Variants in SRGAP3 observed in about 807,000 individuals in gnomAD.
The protein encoded by SRGAP3 is SLIT-ROBO Rho GTPase activating protein 3, also known as SLIT-ROBO Rho GTPase-activating protein 3.
In SRGAP3, 39 loss-of-function variants were observed where a neutral mutation model predicts 121.1. The ratio of observed to expected loss-of-function variants is 0.32; its 90% CI spans 0.25 to 0.42. The LOEUF is 0.42. Ranked by LOEUF, SRGAP3 falls within the 10% of genes least tolerant of loss-of-function variation. The pLI is 1.00. For synonymous variants in SRGAP3, 601 were observed against 570.0 expected (o/e 1.05, Z -0.77); for missense variants, 1,213 against 1,470.6 (o/e 0.82, Z 2.86).
intron 1 of SRGAP3, among the ~76,000 whole-genome samples, chr3:9,248,360 G>A (rs1369094637): frequency 2.6e-5 from 4 of 152,142 alleles, no homozygotes; most frequent in African/African-American, 7.2e-5. Context: ...CAGAGACACC[G>A]ACAAAGAAGT....
intron 3 of SRGAP3, among the ~76,000 whole-genome samples, chr3:9,283,904 G>A (rs1012452231): frequency 2.0e-5 from 3 of 152,182 alleles, no homozygotes; most frequent in African/African-American, 7.2e-5. Flanking sequence ...ACTGGATGGA[G>A]AAGGGCTGTC....
intron 2 of SRGAP3, among the ~76,000 whole-genome samples, chr3:9,328,738 C>G (rs904187650): frequency 6.6e-6 from 1 of 152,154 alleles, no homozygotes; most frequent in African/African-American, 2.4e-5. Flanking sequence ...GACTCCAACC[C>G]CAACCACCAG....
chr3:9,245,377 G>T (rs1953781713), intron 1 of SRGAP3, among the ~76,000 whole-genome samples: 2 of 152,158 alleles, frequency 1.3e-5, no homozygotes, highest in South Asian at 4.1e-4. Context: ...TATTCTATCT[G>T]CCAAGCACCC....
At chr3:9,308,366 T>C (rs1342108082) in intron 3 of SRGAP3, among the ~76,000 whole-genome samples, 1 of 152,308 alleles carries the variant, frequency 6.6e-6, no homozygotes, top group East Asian at 1.9e-4. Flanking sequence ...AAACAGTGTG[T>C]AAAGTTTTCA....
At chr3:9,110,925 G>T (rs916312392) in intron 2 of SRGAP3, among the ~76,000 whole-genome samples, 1 of 152,384 alleles carries the variant, frequency 6.6e-6, no homozygotes, top group Non-Finnish European at 1.5e-5. Context: ...GTGGGCATGG[G>T]TGTTCACCGG....
chr3:9,120,586 T>C (rs572907327), intron 2 of SRGAP3, among the ~76,000 whole-genome samples: 8 of 152,326 alleles, frequency 5.3e-5, no homozygotes, highest in Admixed American at 1.3e-4. Context: ...ACCCTGGGTT[T>C]TCATGCTCGA....
rs750656452 is a variant in SRGAP3, at chr3:8,994,453, C to A, written c.2298G>T (p.Lys766Asn). 3.1e-6 allele frequency: 5 copies of A among 1,614,252 alleles called. No individual in the cohort carries two copies. The highest frequency in any genetic ancestry group is 4.2e-6 in the Non-Finnish European group (5 of 1,180,052). Residue 766 changes from lysine (K) to asparagine (N), a missense_variant, in exon 19 of 22, where the codon AAG becomes AAT. Lys to Asn is a moderately conservative substitution (Grantham distance 94). Transcript: ENST00000383836. Reference protein sequence around the residue: ...MGRSPRELSFKKGASLLLYHR... With the variant: ...MGRSPRELSFNKGASLLLYHR... ...GGTACAGGAGCAGCGAGGCCCCCTT[C>A]TTGAAGGATAGCTCACGCGGGGACC... is the stretch of plus-strand genomic sequence containing the variant.
At chr3:9,353,387 G>A (rs2030302686) in intron 1 of SRGAP3, among the ~76,000 whole-genome samples, 1 of 152,244 alleles carries the variant, frequency 6.6e-6, no homozygotes, top group South Asian at 2.1e-4. Context: ...CCCAGCTCAT[G>A]ACCTTCTTCC....
intron 3 of SRGAP3, among the ~76,000 whole-genome samples, chr3:9,258,008 A>G (rs1241429898): frequency 6.6e-6 from 1 of 152,128 alleles, no homozygotes; most frequent in Non-Finnish European, 1.5e-5. Context: ...TGGCCTAAAC[A>G]AAATATATCT....
chr3:9,178,426 C>G (rs1469034871), intron 1 of SRGAP3, among the ~76,000 whole-genome samples: 2 of 152,230 alleles, frequency 1.3e-5, no homozygotes, highest in Non-Finnish European at 2.9e-5. Flanking sequence ...GTGTGAACCT[C>G]TGGACCTAGG....
intron 1 of SRGAP3, among the ~76,000 whole-genome samples, chr3:9,185,118 G>T (rs561308993): frequency 6.6e-6 from 1 of 152,312 alleles, no homozygotes; most frequent in African/African-American, 2.4e-5. Context: ...CTTCCCACAT[G>T]ATTCCCAAGG....
intron 18 of SRGAP3, among the ~76,000 whole-genome samples, chr3:9,001,453 T>C (rs372064162): frequency 1.3e-5 from 2 of 152,262 alleles, no homozygotes. Flanking sequence ...AATGCTATAT[T>C]AGAAAATATC....
chr3:9,248,738 G>A (rs1953913918), intron 1 of SRGAP3, 147 bp downstream of exon 1: 11 of 830,746 alleles, frequency 1.3e-5, no homozygotes, highest in South Asian at 1.4e-5. Context: ...TTGTGCGGCT[G>A]CCACTGTTAC....
chr3:9,330,764 G>C (rs772520049), intron 1 of SRGAP3, among the ~76,000 whole-genome samples: 3 of 152,188 alleles, frequency 2.0e-5, no homozygotes, highest in Non-Finnish European at 4.4e-5. Flanking sequence ...TGACGTACAG[G>C]AATCAGAAGT....
chr3:9,186,557 A>C (rs1464571139), intron 1 of SRGAP3, among the ~76,000 whole-genome samples: 8 of 152,216 alleles, frequency 5.3e-5, no homozygotes, highest in Admixed American at 5.2e-4. Flanking sequence ...TTTAATCCTC[A>C]TGTAATTCAC....
intron 2 of SRGAP3, among the ~76,000 whole-genome samples, chr3:9,326,521 A>C (rs1199137252): frequency 6.6e-6 from 1 of 151,714 alleles, no homozygotes; most frequent in Non-Finnish European, 1.5e-5. Context: ...AGAACCTTTA[A>C]TAACAAAAGC....
Position 9,223,965 on chromosome 3 carries a change from A to G in SRGAP3, c.67+24920T>C, listed in dbSNP as rs1244549161. On this transcript the variant is annotated intron_variant, in intron 1 of 21. Transcript: ENST00000383836. ...TTTCAATTAGCTCCCAGCACTACAC[A>G]GGAGTGAAATCGGCTCCAGATAGAT... 2.0e-5 allele frequency among the ~76,000 whole-genome samples: 3 copies of G among 152,224 alleles called. No individual in the cohort carries two copies. The East Asian group carries it at 5.8e-4, about 29-fold the overall frequency.
At chr3:9,019,061 C>T (rs897724192) in intron 14 of SRGAP3, among the ~76,000 whole-genome samples, 4 of 152,246 alleles carry the variant, frequency 2.6e-5, no homozygotes, top group Admixed American at 6.5e-5. Context: ...TTTTTAAAGG[C>T]TGCAAAGTAC....
In SRGAP3 at chr3:8,990,557, G is replaced by A. The variant is rs1288964542; in HGVS notation, c.2841C>T (p.Ser947=). 3.8e-6 allele frequency: 6 copies of A among 1,579,908 alleles called. No individual in the cohort carries two copies. The East Asian group carries it at 1.2e-4, about 30-fold the overall frequency. The change falls in exon 21 of 22, where the codon AGC becomes AGT. Residue 947 remains serine (S), a synonymous_variant. Transcript: ENST00000383836. ...CCAGGGACTTGTGGTCCCCTAGGCT[G>A]CTGTGCCTGGTGGAACCGCAGGTCG... ...MRSTCGSTRH[S]SLGDHKSLEA...
Sources: allele counts gnomAD v4.1 joint callset (sites outside exome capture counted in the v4.1 genomes callset), GRCh38; gene constraint gnomAD v4.1.1; transcripts MANE v1.5; gene names NCBI Gene and HGNC (gene_info 2026-07-23, HGNC 2026-07-21).